The following GPATCH8 variants were observed in gnomAD, a reference collection of about 807,000 sequenced individuals.
The protein encoded by GPATCH8 is G patch domain-containing protein 8.
GPATCH8 carries 18 observed loss-of-function variants against 118.3 expected under a neutral mutation model. The observed-to-expected ratio is 0.15, with a 90% confidence interval of 0.11 to 0.23. The LOEUF (loss-of-function observed/expected upper bound fraction) is 0.23, where lower values mean the gene tolerates loss of function less well. Ranked by LOEUF, GPATCH8 falls within the 10% of genes least tolerant of loss-of-function variation. The pLI is 1.00. For missense variants in GPATCH8, 1,631 were observed against 1,873.8 expected (o/e 0.87, Z 2.39); for synonymous variants, 659 against 684.7 (o/e 0.96, Z 0.59).
chr17:44,400,438 T>A lies in GPATCH8; in HGVS notation c.1639A>T (p.Thr547Ser). ...AGTTCTGATGGCCACTGGAGGGCAG[T>A]GCTTTCATCTTTGCTCAAAACTGGG... ...FFPVLSKDES[T>S]ALQWPSELLI... The change falls in exon 8 of 8, where the codon ACT becomes TCT. Residue 547 changes from threonine to serine, a missense_variant. By Grantham distance (58) the Thr-to-Ser change is moderately conservative. Transcript: ENST00000591680. 6.2e-7 allele frequency: 1 copy of A among 1,614,208 alleles called. No individual in the cohort carries two copies. Among genetic ancestry groups the A allele is most frequent in the Non-Finnish European group, 8.5e-7 (1 of 1,179,998 alleles).
At chr17:44,465,108 T>C (rs1280040776) in intron 2 of GPATCH8, 2 of 146,820 alleles carry the variant, frequency 1.4e-5, no homozygotes, top group East Asian at 2.0e-4. Context: ...ATATATATAA[T>C]ATAAATATTT....
At chr17:44,407,280 AT>A (rs2049267261) in intron 6 of GPATCH8, 1 of 152,168 alleles carries the variant, frequency 6.6e-6, no homozygotes, top group Non-Finnish European at 1.5e-5. Context: ...AAAATGTCAC[AT>A]CACAAAGAAA....
rs759100375 is a variant in GPATCH8 at position 44,395,525 on chromosome 17, ATTAT to A, written c.*2039_*2042del. 13 of 454,392 alleles carry A rather than the reference ATTAT, an allele frequency of 2.9e-5. No homozygotes were observed. Among genetic ancestry groups the A allele is most frequent in the Admixed American group, 1.4e-4 (6 of 42,546 alleles). The allele number at this position is 454,392 out of a possible 1,614,324, so 28.1% of individuals were successfully genotyped here. A position where few individuals can be genotyped will look rare whatever the true frequency, so the allele number is the denominator to read the frequency against. On this transcript the variant is annotated 3_prime_UTR_variant, in exon 8 of 8. Transcript: ENST00000591680. ...AGCAGCACGAAAATGTTAATACTGT[ATTAT>A]TTATTTACATGGGCTGAAAGCAAAG... is the stretch of plus-strand genomic sequence containing the variant.
intron 3 of GPATCH8, among the ~76,000 whole-genome samples, chr17:44,447,916 C>T (rs2050946806): frequency 6.6e-6 from 1 of 152,116 alleles, no homozygotes; most frequent in African/African-American, 2.4e-5. Flanking sequence ...AATTAGTCTT[C>T]CTTTTATTTC....
At chr17:44,498,470 T>C (rs953312395) in intron 1 of GPATCH8, among the ~76,000 whole-genome samples, 34 of 152,204 alleles carry the variant, frequency 2.2e-4, no homozygotes, top group Admixed American at 2.2e-3. Flanking sequence ...TGAAAAGTGA[T>C]TATATACCAT....
At position 44,464,474 on chromosome 17, in the gene GPATCH8, T is replaced by C. The variant is rs201436891; in HGVS notation, c.191A>G (p.Gln64Arg). The C allele has an allele frequency of 6.4e-7, 1 of 1,553,876 alleles. No homozygotes were observed. Residue 64 changes from glutamine (Q) to arginine (R), a missense_variant and splice_region_variant, in exon 3 of 8, where the codon CAG (glutamine) becomes CGG (arginine). Gln to Arg is a conservative substitution (Grantham distance 43, BLOSUM62 1). This residue lies in a region of GPATCH8 where 81 missense variants were observed against 227.6 expected (regional missense o/e 0.36). Transcript: ENST00000591680. Reference sequence around the variant, plus strand: ...CTCTGGTAAATGTAAACACTTACCCTGAAGAGATTTTCCCAATCCCTGGCC... The same window carrying C: ...CTCTGGTAAATGTAAACACTTACCCCGAAGAGATTTTCCCAATCCCTGGCC... ...KLGQGLGKSL[Q>R]GRTDPIPIVV...
rs1263991158 is a variant in GPATCH8, at chr17:44,400,182, G to A, written c.1895C>T (p.Ala632Val). Residue 632 changes from alanine to valine, a missense_variant, in exon 8 of 8, where the codon GCA becomes GTA. Coordinates refer to ENST00000591680, the MANE Select transcript of GPATCH8 (RefSeq NM_001002909.4). The part of the protein sequence containing the change: ...IVRSSGGRMD[A>V]PASGSACSGL... The stretch of plus-strand genomic sequence containing the variant: ...GCTACAGGCAGACCCTGAAGCAGGT[G>A]CGTCCATTCTGCCTCCTGAGGAACG... 8.1e-6 allele frequency: 13 copies of A among 1,613,928 alleles called. No individual in the cohort carries two copies. Among genetic ancestry groups the A allele is most frequent in the Non-Finnish European group, 1.1e-5 (13 of 1,180,008 alleles).
At chr17:44,503,204 A>G (rs1466617194) in intron 1 of GPATCH8, 122 bp downstream of exon 1, 2 of 864,990 alleles carry the variant, frequency 2.3e-6, no homozygotes, top group African/African-American at 3.3e-5. Context: ...AGACGGGAGA[A>G]GAGCGAGCTG....
chr17:44,440,116 A>C (rs2050639358), intron 3 of GPATCH8, among the ~76,000 whole-genome samples: 1 of 152,102 alleles, frequency 6.6e-6, no homozygotes, highest in African/African-American at 2.4e-5. Context: ...CAGGTTCCCT[A>C]CTTCTTGGTT....
chr17:44,420,085 T>C (rs1277000350), intron 6 of GPATCH8, among the ~76,000 whole-genome samples: 1 of 150,910 alleles, frequency 6.6e-6, no homozygotes, highest in African/African-American at 2.4e-5. Flanking sequence ...GATGAAGAAA[T>C]AAACTCACAT....
intron 6 of GPATCH8, among the ~76,000 whole-genome samples, chr17:44,416,611 T>G (rs1441398177): frequency 1.3e-5 from 2 of 152,216 alleles, no homozygotes; most frequent in Non-Finnish European, 2.9e-5. Flanking sequence ...ACTCCTTTCT[T>G]CAAACCTGTG....
chr17:44,479,904 T>G (rs910767078), intron 1 of GPATCH8, among the ~76,000 whole-genome samples: 2 of 151,120 alleles, frequency 1.3e-5, no homozygotes, highest in African/African-American at 2.4e-5. Flanking sequence ...GAGGCAGAGG[T>G]TGCAGTGAGC....
intron 5 of GPATCH8, among the ~76,000 whole-genome samples, chr17:44,427,152 T>G (rs778608534): frequency 6.6e-6 from 1 of 151,866 alleles, no homozygotes; most frequent in Non-Finnish European, 1.5e-5. Flanking sequence ...TACAGTTCAC[T>G]GTAGCATCGA....
At position 44,400,921 on chromosome 17, in the gene GPATCH8, C is replaced by T; in HGVS notation, c.1156G>A (p.Ala386Thr). The change falls in exon 8 of 8, where the codon GCT becomes ACT. Residue 386 changes from alanine to threonine, a missense_variant. Coordinates refer to ENST00000591680, the MANE Select transcript of GPATCH8 (RefSeq NM_001002909.4). ...TAATACTCAGGCTCTGTAGCCCCAG[C>T]TCCTTCTTCTCGTTTCATCCTTTTT... ...KLKRMKREEG[A>T]GATEPEYYHY... The T allele has an allele frequency of 6.2e-7, 1 of 1,614,174 alleles. No homozygotes were observed. Among genetic ancestry groups the T allele is most frequent in the African/African-American group, 1.3e-5 (1 of 75,028 alleles).
At chr17:44,456,573 G>C (rs1003036000) in intron 3 of GPATCH8, among the ~76,000 whole-genome samples, 1 of 152,078 alleles carries the variant, frequency 6.6e-6, no homozygotes, top group Non-Finnish European at 1.5e-5. Flanking sequence ...CATGAGGCCA[G>C]GAGTTTGAGA....
chr17:44,418,875 C>T (rs1201127862), intron 6 of GPATCH8, among the ~76,000 whole-genome samples: 1 of 152,200 alleles, frequency 6.6e-6, no homozygotes, highest in Non-Finnish European at 1.5e-5. Context: ...AATGTATTAA[C>T]ATCGATCACT....
At chr17:44,414,113 A>AT (rs1315306246) in intron 6 of GPATCH8, among the ~76,000 whole-genome samples, 1 of 83,316 alleles carries the variant, frequency 1.2e-5, no homozygotes, top group African/African-American at 4.6e-5. Context: ...GTGTATATAT[A>AT]TATGTATATA....
intron 1 of GPATCH8, among the ~76,000 whole-genome samples, chr17:44,493,071 T>TTTTTTTTTTTA (rs1568071349): frequency 6.6e-6 from 1 of 150,790 alleles, no homozygotes; most frequent in Non-Finnish European, 1.5e-5. Flanking sequence ...TTTTTTTTTT[T>TTTTTTTTTTTA]AAGACAGAGT....
At position 44,400,272 on chromosome 17, in the gene GPATCH8, T is replaced by C. The variant is rs781181002; in HGVS notation, c.1805A>G (p.His602Arg). The change falls in exon 8 of 8, where the codon CAT becomes CGT. Residue 602 changes from histidine (H) to arginine (R), a missense_variant. By Grantham distance (29) the His-to-Arg change is conservative. This residue lies in a region of GPATCH8 where 405 missense variants were observed against 462.7 expected (regional missense o/e 0.88). Coordinates refer to ENST00000591680, the MANE Select transcript of GPATCH8 (RefSeq NM_001002909.4). ...CTCACCAGGATCTAGGCCTTGGAGA[T>C]GGTCCTTTGAGGAGCTTCCTATATC... ...PKDIGSSSKD[H>R]LQGLDPGEPN... 3 of 1,614,172 alleles carry C rather than the reference T, an allele frequency of 1.9e-6. No individual in the cohort carries two copies. The highest frequency in any genetic ancestry group is 2.2e-5 in the East Asian group (1 of 44,878).
Sources: allele counts gnomAD v4.1 joint callset (sites outside exome capture counted in the v4.1 genomes callset), GRCh38; gene constraint gnomAD v4.1.1; regional missense constraint gnomAD v4.1.1; transcripts MANE v1.5; gene names NCBI Gene and HGNC (gene_info 2026-07-23, HGNC 2026-07-21).